Variants in RIGI observed in about 807,000 individuals in gnomAD.
RIGI encodes the protein RNA sensor RIG-I.
chr9:32,486,517 A>G, the RIGI span, among the ~76,000 whole-genome samples: 1 of 151,848 alleles, frequency 6.6e-6, no homozygotes, highest in Non-Finnish European at 1.5e-5. Context: ...GGAAAGTAAC[A>G]CCTAATTCTT....
At chr9:32,466,327 C>T in the RIGI span, 81 of 1,613,716 alleles carry the variant, frequency 5.0e-5, no homozygotes, top group African/African-American at 2.5e-4. Flanking sequence ...TGTCTGAAGG[C>T]GTAAAATAGA....
At chr9:32,465,004 G>C in the RIGI span, among the ~76,000 whole-genome samples, 6 of 152,140 alleles carry the variant, frequency 3.9e-5, no homozygotes, top group Non-Finnish European at 8.8e-5. Flanking sequence ...CTTTTACTCT[G>C]TTGCTTCTGT....
chr9:32,487,398 G>A, the RIGI span: 1,872 of 1,422,608 alleles, frequency 1.3e-3, 12 homozygotes, highest in Middle Eastern at 7.8e-3. Flanking sequence ...TTCAGTATTC[G>A]TCTAGATGGC....
the RIGI span, among the ~76,000 whole-genome samples, chr9:32,497,574 C>T: frequency 6.6e-6 from 1 of 152,080 alleles, no homozygotes; most frequent in Non-Finnish European, 1.5e-5. Flanking sequence ...GGTGAAACCC[C>T]GTCTCTACTA....
the RIGI span, among the ~76,000 whole-genome samples, chr9:32,462,924 G>A: frequency 1.3e-5 from 2 of 152,084 alleles, no homozygotes; most frequent in African/African-American, 2.4e-5. Context: ...GGGATATGCC[G>A]AGGCTGGCAT....
At chr9:32,491,861 A>G in the RIGI span, among the ~76,000 whole-genome samples, 3 of 152,220 alleles carry the variant, frequency 2.0e-5, no homozygotes, top group Admixed American at 6.5e-5. Flanking sequence ...AGCTAAGACC[A>G]GATATTCAGA....
the RIGI span, among the ~76,000 whole-genome samples, chr9:32,475,353 A>C: frequency 3.3e-5 from 5 of 152,212 alleles, no homozygotes; most frequent in Admixed American, 2.6e-4. Flanking sequence ...AACATAGCTA[A>C]AAACAACCTT....
the RIGI span, among the ~76,000 whole-genome samples, chr9:32,499,884 G>A: frequency 6.6e-6 from 1 of 152,134 alleles, no homozygotes; most frequent in Non-Finnish European, 1.5e-5. Context: ...CCTCCTGAGA[G>A]GCTGGGACTA....
the RIGI span, chr9:32,476,861 A>G: frequency 7.0e-6 from 6 of 854,870 alleles, no homozygotes; most frequent in African/African-American, 6.8e-5. Flanking sequence ...GCCCCAAGCA[A>G]TTCTCCTGCC....
the RIGI span, among the ~76,000 whole-genome samples, chr9:32,516,876 G>A: frequency 2.6e-5 from 4 of 152,224 alleles, no homozygotes; most frequent in Non-Finnish European, 4.4e-5. Flanking sequence ...GATTGAGAGA[G>A]AAAAGCACCT....
At chr9:32,495,227 A>C in the RIGI span, among the ~76,000 whole-genome samples, 1 of 152,186 alleles carries the variant, frequency 6.6e-6, no homozygotes, top group African/African-American at 2.4e-5. Context: ...TTTGAGGCAG[A>C]GTCTTGCTCT....
At chr9:32,499,812 C>G in the RIGI span, among the ~76,000 whole-genome samples, 1 of 152,030 alleles carries the variant, frequency 6.6e-6, no homozygotes, top group Non-Finnish European at 1.5e-5. Context: ...TGGAGTGCAG[C>G]AGCGCCATCA....
chr9:32,494,021 G>T, the RIGI span: 1 of 1,100,420 alleles, frequency 9.1e-7, no homozygotes, highest in Non-Finnish European at 1.3e-6. Flanking sequence ...TAGAAATCAT[G>T]TTTGAATGTA....
the RIGI span, among the ~76,000 whole-genome samples, chr9:32,486,553 A>T: frequency 2.6e-5 from 4 of 152,154 alleles, no homozygotes; most frequent in African/African-American, 9.6e-5. Flanking sequence ...TTGTAGAATA[A>T]ATACAGGAAG....
chr9:32,478,041 G>GTTT, the RIGI span, among the ~76,000 whole-genome samples: 1 of 151,364 alleles, frequency 6.6e-6, no homozygotes, highest in Admixed American at 6.6e-5. Flanking sequence ...TGTTTTATCG[G>GTTT]TTTTTGTTTT....
the RIGI span, among the ~76,000 whole-genome samples, chr9:32,476,123 T>A: frequency 6.6e-6 from 1 of 152,290 alleles, no homozygotes; most frequent in East Asian, 1.9e-4. Context: ...TAATGAGGTA[T>A]CATTACCTAC....
the RIGI span, chr9:32,493,707 A>G: frequency 2.5e-6 from 3 of 1,185,728 alleles, no homozygotes; most frequent in East Asian, 2.4e-5. Flanking sequence ...AAAACAGAAG[A>G]CCTTCCCATG....
At chr9:32,491,052 C>T in the RIGI span, among the ~76,000 whole-genome samples, 1 of 151,730 alleles carries the variant, frequency 6.6e-6, no homozygotes, top group East Asian at 1.9e-4. Context: ...TAGACACGCC[C>T]ATACTTTCTT....
the RIGI span, among the ~76,000 whole-genome samples, chr9:32,479,144 G>A: frequency 1.3e-5 from 2 of 152,048 alleles, no homozygotes; most frequent in South Asian, 2.1e-4. Flanking sequence ...CCCTTGGTTG[G>A]CCATGGATAC....
Sources: gnomAD v4.1 joint callset for allele counts (sites outside exome capture counted in the v4.1 genomes callset) on GRCh38, gnomAD v4.1.1 for gene constraint, MANE v1.5 for transcripts, NCBI Gene and HGNC (gene_info 2026-07-23, HGNC 2026-07-21) for gene names.